ZMYM2: variants seen among roughly 807,000 people sequenced by gnomAD.
The protein encoded by ZMYM2 is zinc finger MYM-type containing 2, also known as zinc finger MYM-type protein 2.
A neutral mutation model predicts 162.8 loss-of-function variants in ZMYM2; 56 were observed. That is an observed-to-expected ratio of 0.34 (90% CI 0.28 to 0.43). The LOEUF is 0.43. Among genes scored for constraint, ZMYM2 ranks in the 20% least tolerant of loss-of-function variants. The pLI, the probability that ZMYM2 is intolerant of heterozygous loss-of-function variation, is 1.00. For missense variants in ZMYM2, 1,275 were observed against 1,621.8 expected, an observed-to-expected ratio of 0.79 and a Z score of 3.67; for synonymous variants, 510 against 541.6, an observed-to-expected ratio of 0.94 and a Z score of 0.81.
the ZMYM2 span, among the ~76,000 whole-genome samples, chr13:19,902,438 G>GA: frequency 2.0e-5 from 3 of 152,122 alleles, no homozygotes; most frequent in East Asian, 5.8e-4. Context: ...CCAACATGGA[G>GA]AAACCCCATC....
chr13:19,959,066 C>T (rs952296295), intron 1 of ZMYM2, among the ~76,000 whole-genome samples: 18 of 151,606 alleles, frequency 1.2e-4, no homozygotes, highest in Non-Finnish European at 2.2e-4. Flanking sequence ...CGGGGCTGCG[C>T]TCATGTCACA....
the ZMYM2 span, among the ~76,000 whole-genome samples, chr13:19,881,822 T>G: frequency 1.3e-5 from 2 of 150,682 alleles, no homozygotes; most frequent in Admixed American, 1.3e-4. Flanking sequence ...CCGTCTCTAT[T>G]CTAAATAAAA....
the ZMYM2 span, among the ~76,000 whole-genome samples, chr13:19,918,353 G>A: frequency 1.3e-5 from 2 of 151,656 alleles, no homozygotes; most frequent in East Asian, 4.0e-4. Flanking sequence ...GCTGAGGCAG[G>A]AGAATCGCTT....
intron 17 of ZMYM2, 22 bp downstream of exon 17, chr13:20,061,246 C>G: frequency 6.2e-7 from 1 of 1,608,400 alleles, no homozygotes; most frequent in Non-Finnish European, 8.5e-7. Flanking sequence ...TAAATTATAC[C>G]TTGCGAATAA....
Position 20,041,146 on chromosome 13 carries a change from CT to C in ZMYM2, c.2292+4240del, listed in dbSNP as rs1210219315. Among the ~76,000 whole-genome samples the C allele has an allele frequency of 2.6e-5, 4 of 152,092 alleles. No homozygotes were observed. In the South Asian group the frequency reaches 8.3e-4, roughly 32 times the overall value. On this transcript the variant is annotated intron_variant, in intron 12 of 24. Coordinates refer to ENST00000610343, the MANE Select transcript of ZMYM2 (RefSeq NM_197968.4). Reference sequence around the variant, plus strand: ...CCTGAATATCTTTATTAATTATCTGCTTTGATGATCTGTCTGATACTGTTAT... The same window carrying C: ...CCTGAATATCTTTATTAATTATCTGCTTGATGATCTGTCTGATACTGTTAT...
the ZMYM2 span, among the ~76,000 whole-genome samples, chr13:19,940,276 A>G: frequency 6.6e-6 from 1 of 152,238 alleles, no homozygotes; most frequent in Non-Finnish European, 1.5e-5. Flanking sequence ...GGGCTAGGGA[A>G]TACATTAAGC....
At chr13:20,062,426 A>T (rs1190307064) in intron 17 of ZMYM2, among the ~76,000 whole-genome samples, 1 of 152,252 alleles carries the variant, frequency 6.6e-6, no homozygotes, top group African/African-American at 2.4e-5. Context: ...AACCATTAAA[A>T]GGCAGTTGTT....
chr13:20,074,095 T>C (rs183493077), intron 21 of ZMYM2, among the ~76,000 whole-genome samples: 1 of 152,248 alleles, frequency 6.6e-6, no homozygotes, highest in East Asian at 1.9e-4. Context: ...AGGCACCTCA[T>C]ATAAGTGGAA....
chr13:20,066,691 C>A, intron 19 of ZMYM2, 160 bp from the exon 20 acceptor site: 1 of 567,126 alleles, frequency 1.8e-6, no homozygotes, highest in Non-Finnish European at 2.8e-6. Context: ...GAGAGGCAGG[C>A]ACACAGAAAA....
At chr13:19,934,358 C>A in the ZMYM2 span, among the ~76,000 whole-genome samples, 1 of 151,886 alleles carries the variant, frequency 6.6e-6, no homozygotes, top group African/African-American at 2.4e-5. Flanking sequence ...ACGGGGTTAC[C>A]CATATTGGTC....
chr13:19,945,206 T>C, the ZMYM2 span, among the ~76,000 whole-genome samples: 1 of 152,132 alleles, frequency 6.6e-6, no homozygotes. Flanking sequence ...AAAGCAATAA[T>C]AAGTAGAATA....
chr13:20,048,969 G>T lies in ZMYM2; in HGVS notation c.2293-2464G>T, dbSNP rs573842556. 3.3e-5 allele frequency among the ~76,000 whole-genome samples: 5 copies of T among 152,054 alleles called. No homozygotes were observed. In the South Asian group the frequency reaches 1.0e-3, roughly 31 times the overall value. ...TAGTTCTTTTTTGCAAATGGCTAGG[G>T]AATGCGGCTTAGAGTGGAGTTGTGT... On this transcript the variant is annotated intron_variant, in intron 12 of 24. Transcript: ENST00000610343.
chr13:19,974,041 AAATG>A (rs1369247322), intron 2 of ZMYM2, among the ~76,000 whole-genome samples: 2 of 152,206 alleles, frequency 1.3e-5, no homozygotes, highest in African/African-American at 4.8e-5. Flanking sequence ...CATAATGTAA[AAATG>A]TTTAGTTTGT....
the ZMYM2 span, among the ~76,000 whole-genome samples, chr13:19,909,243 A>G: frequency 6.6e-6 from 1 of 152,078 alleles, no homozygotes; most frequent in Non-Finnish European, 1.5e-5. Flanking sequence ...GGAGATGCTC[A>G]ATCTATGTTA....
the ZMYM2 span, among the ~76,000 whole-genome samples, chr13:19,947,908 A>C: frequency 2.0e-5 from 3 of 151,876 alleles, no homozygotes; most frequent in Non-Finnish European, 4.4e-5. Context: ...TCTTTACAGC[A>C]TCTCTTCTTC....
At chr13:20,036,260 A>G (rs1260229727) in intron 11 of ZMYM2, among the ~76,000 whole-genome samples, 2 of 74,458 alleles carry the variant, frequency 2.7e-5, no homozygotes, top group Non-Finnish European at 7.3e-5. Flanking sequence ...GGGCAAGTCA[A>G]TAAATCTGTT....
the ZMYM2 span, among the ~76,000 whole-genome samples, chr13:19,868,766 T>A: frequency 2.1e-4 from 32 of 152,220 alleles, no homozygotes; most frequent in South Asian, 4.1e-4. Flanking sequence ...TATTATTATT[T>A]TTGAGACAGA....
intron 10 of ZMYM2, among the ~76,000 whole-genome samples, chr13:20,033,488 A>G (rs73440148): frequency 0.026 from 3,918 of 152,152 alleles, 173 homozygotes; most frequent in African/African-American, 0.09. Flanking sequence ...ACTTTCCACT[A>G]ATGATTGCCT....
At chr13:19,978,138 A>G (rs529205748) in intron 2 of ZMYM2, among the ~76,000 whole-genome samples, 19 of 152,154 alleles carry the variant, frequency 1.2e-4, no homozygotes, top group Middle Eastern at 3.4e-3. Flanking sequence ...TGGCCTCCCA[A>G]AGTTCTGGGA....
Sources: gnomAD v4.1 joint callset for allele counts (sites outside exome capture counted in the v4.1 genomes callset) on GRCh38, gnomAD v4.1.1 for gene constraint, MANE v1.5 for transcripts, NCBI Gene and HGNC (gene_info 2026-07-23, HGNC 2026-07-21) for gene names.